Variants in OGFR observed in about 807,000 individuals in gnomAD.
OGFR encodes opioid growth factor receptor.
In OGFR, 18 loss-of-function variants were observed where a neutral mutation model predicts 33.6. The ratio of observed to expected loss-of-function variants is 0.54; its 90% CI spans 0.37 to 0.80. The LOEUF (loss-of-function observed/expected upper bound fraction) is 0.80, where lower values mean the gene tolerates loss of function less well. Among genes scored for constraint, OGFR ranks in the 30% least tolerant of loss-of-function variants. The pLI is 0.00. For synonymous variants in OGFR, 370 were observed against 400.7 expected, an observed-to-expected ratio of 0.92 and a Z score of 0.91; for missense variants, 877 against 955.8, an observed-to-expected ratio of 0.92 and a Z score of 1.09.
At chr20:62,805,970 C>G (rs1000979370) in intron 1 of OGFR, 1 of 152,882 alleles carries the variant, frequency 6.5e-6, no homozygotes, top group East Asian at 1.9e-4. Flanking sequence ...CTGACCTCTT[C>G]CCTCTGCCTC....
chr20:62,812,159 G>A, intron 6 of OGFR, 71 bp from the exon 7 acceptor site: 1 of 1,364,378 alleles, frequency 7.3e-7, no homozygotes, highest in Non-Finnish European at 9.8e-7. Flanking sequence ...TGGGAGGGCA[G>A]GCCAGGGCGG....
In OGFR at chr20:62,812,985, A is replaced by G; in HGVS notation, c.1370A>G (p.Lys457Arg). The G allele has an allele frequency of 6.2e-7, 1 of 1,611,826 alleles. No individual in the cohort carries two copies. The highest frequency in any genetic ancestry group is 1.1e-5 in the South Asian group (1 of 90,950). Reference sequence around the variant, plus strand: ...GCCAGGGTGGCCGACAAGGTGAGGAAGCGGAGGAAGGTGGATGAGGGTGCT... The same window carrying G: ...GCCAGGGTGGCCGACAAGGTGAGGAGGCGGAGGAAGGTGGATGAGGGTGCT... ...LGARVADKVR[K>R]RRKVDEGAGD... Residue 457 changes from lysine to arginine, a missense_variant, in exon 7 of 7, where the codon AAG becomes AGG. Physicochemically the swap from Lys to Arg is conservative, Grantham distance 26 (BLOSUM62 2). This residue lies in a region of OGFR where 760 missense variants were observed against 736.0 expected (regional missense o/e 1.03). Coordinates refer to ENST00000290291, the MANE Select transcript of OGFR (RefSeq NM_007346.4).
In OGFR at chr20:62,813,112, G is replaced by C; in HGVS notation, c.1497G>C (p.Gly499=). 1 of 1,579,508 alleles carries C rather than the reference G, an allele frequency of 6.3e-7. No individual in the cohort carries two copies. The highest frequency in any genetic ancestry group is 1.1e-5 in the South Asian group (1 of 87,302). Residue 499 remains glycine (G), a synonymous_variant, in exon 7 of 7, where the codon GGG becomes GGC. Coordinates refer to ENST00000290291, the MANE Select transcript of OGFR (RefSeq NM_007346.4). ...GHPKAGHSEN[G]VEEDTEGRTG... ...CCAAGGCTGGACACAGTGAGAACGGGGTTGAGGAGGACACAGAAGGTCGAA... is the reference window on the plus strand; with the variant it reads ...CCAAGGCTGGACACAGTGAGAACGGCGTTGAGGAGGACACAGAAGGTCGAA...
In OGFR at chr20:62,811,507, T is replaced by G; in HGVS notation, c.511T>G (p.Tyr171Asp). The G allele has an allele frequency of 6.2e-7, 1 of 1,608,466 alleles. No individual in the cohort carries two copies. The highest frequency in any genetic ancestry group is 1.3e-5 in the African/African-American group (1 of 74,926). The change falls in exon 6 of 7, where the codon TAC (tyrosine) becomes GAC (aspartate). Residue 171 changes from tyrosine (Y) to aspartate (D), a missense_variant. This residue lies in a region of OGFR where 760 missense variants were observed against 736.0 expected (regional missense o/e 1.03). Coordinates refer to ENST00000290291, the MANE Select transcript of OGFR (RefSeq NM_007346.4). ...GATCCAGGAGCGGCTTGTCCGGGCC[T>G]ACGAGCTCATGCTGGGCTTCTACGG... ...QEIQERLVRA[Y>D]ELMLGFYGIR...
chr20:62,811,639 C>A (rs769757889), intron 6 of OGFR, 29 bp downstream of exon 6: 2 of 1,532,804 alleles, frequency 1.3e-6, no homozygotes, highest in African/African-American at 1.4e-5. Context: ...CGCCCACCCC[C>A]ACCCCGGCGC....
chr20:62,808,996 A>G (rs1214909970), intron 3 of OGFR, among the ~76,000 whole-genome samples: 4 of 142,540 alleles, frequency 2.8e-5, no homozygotes, highest in Admixed American at 2.1e-4. Context: ...AAAAAAAAAA[A>G]AAAAAAAGAA....
intron 4 of OGFR, among the ~76,000 whole-genome samples, chr20:62,810,228 A>G (rs1163826948): frequency 2.0e-5 from 3 of 152,256 alleles, no homozygotes; most frequent in African/African-American, 7.2e-5. Flanking sequence ...CCCGGGCTGG[A>G]TGGCTGCAGG....
At position 62,812,941 on chromosome 20, in the gene OGFR, C is replaced by G. The variant is rs369584403; in HGVS notation, c.1326C>G (p.Pro442=). 41 of 1,612,156 alleles carry G rather than the reference C, an allele frequency of 2.5e-5. No individual in the cohort carries two copies. Among genetic ancestry groups the G allele is most frequent in the African/African-American group, 4.0e-5 (3 of 74,898 alleles). The change falls in exon 7 of 7, where the codon CCC becomes CCG. Residue 442 remains proline (P), a synonymous_variant. Transcript: ENST00000290291. The part of the protein sequence containing the change: ...GGQDPGEAVQ[P]CRQPLGARVA... ...AGGACCCTGGGGAGGCAGTGCAGCC[C>G]TGCCGCCAACCCCTGGGAGCCAGGG...
At chr20:62,811,896 C>G (rs1400171013) in intron 6 of OGFR, among the ~76,000 whole-genome samples, 3 of 152,192 alleles carry the variant, frequency 2.0e-5, no homozygotes, top group African/African-American at 7.2e-5. Context: ...AGCCAGTTCT[C>G]ACAGGGTGTT....
chr20:62,812,684 C>A lies in OGFR; in HGVS notation c.1069C>A (p.Pro357Thr), dbSNP rs940793565. The A allele has an allele frequency of 2.5e-6, 4 of 1,571,484 alleles. No homozygotes were observed. In the East Asian group the frequency reaches 7.1e-5, roughly 28 times the overall value. Residue 357 changes from proline to threonine, a missense_variant, in exon 7 of 7, where the codon CCC (proline) becomes ACC (threonine). Pro to Thr is a conservative substitution (Grantham distance 38). Coordinates refer to ENST00000290291, the MANE Select transcript of OGFR (RefSeq NM_007346.4). ...PRSVEPQDAG[P>T]LERSQGDEAG... is the part of the protein sequence containing the mutation. ...GAGCGTGGAGCCCCAGGATGCGGGA[C>A]CCCTGGAGAGGAGCCAGGGGGATGA...
chr20:62,808,183 C>G lies in OGFR; in HGVS notation c.241-64C>G, dbSNP rs374115625. The G allele has an allele frequency of 3.3e-4, 431 of 1,294,262 alleles. 7 individuals carry two copies. The East Asian group carries it at 9.8e-3, about 30-fold the overall frequency. 80.2% of individuals were successfully genotyped at this position (1,294,262 alleles called of 1,614,324 possible). Reference sequence around the variant, plus strand: ...TGCAGATGCGCCTCCCCGAAAGACACGGAGGGCCCCAGGGCAGCTTGTGTC... The same window carrying G: ...TGCAGATGCGCCTCCCCGAAAGACAGGGAGGGCCCCAGGGCAGCTTGTGTC... On this transcript the variant is annotated intron_variant, in intron 2 of 6. Coordinates refer to ENST00000290291, the MANE Select transcript of OGFR (RefSeq NM_007346.4).
At position 62,809,903 on chromosome 20, in the gene OGFR, C is replaced by T. The variant is rs538016654; in HGVS notation, c.398+240C>T. The stretch of plus-strand genomic sequence containing the variant: ...GTGACCAGGGAGACAGGAAGGGCTG[C>T]ACACAAGCTCCCTGAAACAGGAGAG... On this transcript the variant is annotated intron_variant, in intron 4 of 6. Coordinates refer to ENST00000290291, the MANE Select transcript of OGFR (RefSeq NM_007346.4). Among the ~76,000 whole-genome samples the T allele has an allele frequency of 5.9e-5, 9 of 152,342 alleles. No individual in the cohort carries two copies. The South Asian group carries it at 1.9e-3, about 32-fold the overall frequency.
intron 1 of OGFR, chr20:62,807,283 GCCCCCCAC>G: frequency 3.6e-6 from 2 of 549,568 alleles, no homozygotes; most frequent in Admixed American, 3.3e-5. Flanking sequence ...AGAAGGAGCA[GCCCCCCAC>G]CTGGCTACCG....
In OGFR at chr20:62,812,878, G is replaced by A; in HGVS notation, c.1263G>A (p.Gln421=). 1 of 1,612,644 alleles carries A rather than the reference G, an allele frequency of 6.2e-7. No homozygotes were observed. Among genetic ancestry groups the A allele is most frequent in the Non-Finnish European group, 8.5e-7 (1 of 1,179,952 alleles). ...ALNLEGCALS[Q]GSLRTGTQEV... ...ATTTGGAGGGGTGTGCCCTCAGCCA[G>A]GGCAGCCTCAGGACGGGGACCCAGG... The change falls in exon 7 of 7, where the codon CAG becomes CAA. Residue 421 remains glutamine, a synonymous_variant. Transcript: ENST00000290291.
chr20:62,807,134 A>C, intron 1 of OGFR: 1 of 230,532 alleles, frequency 4.3e-6, no homozygotes, highest in Non-Finnish European at 8.7e-6. Flanking sequence ...CTCCAGGGGC[A>C]CAGAACAGAG....
rs777571249 is a variant in OGFR at position 62,812,434 on chromosome 20, C to A, written c.819C>A (p.Phe273Leu). 1 of 1,579,374 alleles carries A rather than the reference C, an allele frequency of 6.3e-7. No individual in the cohort carries two copies. The highest frequency in any genetic ancestry group is 8.6e-7 in the Non-Finnish European group (1 of 1,163,414). ...ACCAGCGCCGCCAGCTGGTGCACTT[C>A]GCCTGGGAGCACTTCCGGCCCCGCT... ...CRHQRRQLVH[F>L]AWEHFRPRCK... The change falls in exon 7 of 7, where the codon TTC becomes TTA. Residue 273 changes from phenylalanine to leucine, a missense_variant. Phe to Leu is a conservative substitution (Grantham distance 22, BLOSUM62 0). Coordinates refer to ENST00000290291, the MANE Select transcript of OGFR (RefSeq NM_007346.4).
intron 5 of OGFR, among the ~76,000 whole-genome samples, chr20:62,811,071 C>A (rs1241544336): frequency 1.3e-5 from 2 of 152,256 alleles, no homozygotes; most frequent in African/African-American, 2.4e-5. Flanking sequence ...CCCTAAAAGT[C>A]TGAGTCCAGG....
chr20:62,813,735 G>T lies in OGFR; in HGVS notation c.*86G>T, dbSNP rs773380413. The T allele has an allele frequency of 1.7e-5, 26 of 1,493,244 alleles. No individual in the cohort carries two copies. The highest frequency in any genetic ancestry group is 2.0e-5 in the Non-Finnish European group (22 of 1,077,108). 92.5% of individuals were successfully genotyped at this position (1,493,244 alleles called of 1,614,324 possible). The stretch of plus-strand genomic sequence containing the variant: ...CGGAGCTGCTGCGGGCTCCCCTCAG[G>T]CTCTGCTTCGTGACCCGTGACCCAT... On this transcript the variant is annotated 3_prime_UTR_variant, in exon 7 of 7. Transcript: ENST00000290291.
At chr20:62,810,272 G>A (rs901239250) in intron 4 of OGFR, among the ~76,000 whole-genome samples, 1 of 152,160 alleles carries the variant, frequency 6.6e-6, no homozygotes, top group Non-Finnish European at 1.5e-5. Context: ...CCCCAGTCCT[G>A]CTGAGCATGC....
Sources: allele counts gnomAD v4.1 joint callset (sites outside exome capture counted in the v4.1 genomes callset), GRCh38; gene constraint gnomAD v4.1.1; regional missense constraint gnomAD v4.1.1; transcripts MANE v1.5; gene names NCBI Gene and HGNC (gene_info 2026-07-23, HGNC 2026-07-21).